KLF9: variants seen among roughly 807,000 people sequenced by gnomAD.
KLF9 encodes the protein KLF transcription factor 9.
In KLF9, 2 loss-of-function variants were observed where a neutral mutation model predicts 17.3. The ratio of observed to expected loss-of-function variants is 0.12; its 90% CI spans 0.05 to 0.36. The LOEUF is 0.36. Among genes scored for constraint, KLF9 ranks in the 10% least tolerant of loss-of-function variants. The pLI is 1.00. For synonymous variants in KLF9, 138 were observed against 139.2 expected (o/e 0.99, Z 0.06); for missense variants, 226 against 333.2 (o/e 0.68, Z 2.51).
chr9:70,402,515 T>C (rs997419002), intron 1 of KLF9, among the ~76,000 whole-genome samples: 9 of 152,218 alleles, frequency 5.9e-5, no homozygotes, highest in Admixed American at 1.3e-4. Context: ...GACATTAAAA[T>C]GGACAGACTG....
intron 1 of KLF9, among the ~76,000 whole-genome samples, chr9:70,388,740 A>G (rs1311285681): frequency 6.6e-6 from 1 of 152,100 alleles, no homozygotes; most frequent in African/African-American, 2.4e-5. Flanking sequence ...TGCAGGGGCC[A>G]CTCAGCATCT....
intron 1 of KLF9, among the ~76,000 whole-genome samples, chr9:70,398,130 C>T (rs144723106): frequency 2.1e-3 from 317 of 152,318 alleles, no homozygotes; most frequent in Non-Finnish European, 3.6e-3. Context: ...GCCTGAATGC[C>T]ATCCCATCAT....
In KLF9 at chr9:70,394,036, A is replaced by G. The variant is rs1201274730; in HGVS notation, c.506-6031T>C. Among the ~76,000 whole-genome samples the G allele has an allele frequency of 2.6e-5, 4 of 151,872 alleles. No individual in the cohort carries two copies. The East Asian group carries it at 7.7e-4, about 29-fold the overall frequency. Reference sequence around the variant, plus strand: ...TGAGACCCTGTCTCAAAAAAAAAAAAAAAAAAAAGAGTGGTTTCTGATTGC... The same window carrying G: ...TGAGACCCTGTCTCAAAAAAAAAAAGAAAAAAAAGAGTGGTTTCTGATTGC... On this transcript the variant is annotated intron_variant, in intron 1 of 1. Transcript: ENST00000377126.
chr9:70,389,469 G>A (rs1417641882), intron 1 of KLF9, among the ~76,000 whole-genome samples: 1 of 152,144 alleles, frequency 6.6e-6, no homozygotes, highest in Non-Finnish European at 1.5e-5. Context: ...ACCAAGGCCC[G>A]TGCTCTTGGC....
chr9:70,409,364 C>T (rs932073818), intron 1 of KLF9, among the ~76,000 whole-genome samples: 3 of 151,086 alleles, frequency 2.0e-5, no homozygotes, highest in African/African-American at 7.3e-5. Context: ...ACTTAAGCCC[C>T]TCCAAAAAGA....
intron 1 of KLF9, 131 bp downstream of exon 1, chr9:70,412,728 A>G (rs2037333466): frequency 2.3e-6 from 2 of 858,604 alleles, no homozygotes; most frequent in African/African-American, 1.7e-5. Context: ...TTATTTAAAG[A>G]GTTAAACCGC....
At chr9:70,396,729 T>C (rs898986371) in intron 1 of KLF9, among the ~76,000 whole-genome samples, 5 of 152,262 alleles carry the variant, frequency 3.3e-5, no homozygotes, top group Non-Finnish European at 1.5e-5. Context: ...TACTTCCTTT[T>C]GTAATTTTTC....
intron 1 of KLF9, among the ~76,000 whole-genome samples, chr9:70,398,462 C>T (rs1397300736): frequency 6.6e-6 from 1 of 152,014 alleles, no homozygotes; most frequent in Non-Finnish European, 1.5e-5. Context: ...TCCAGCAGAC[C>T]TCAAACAAAA....
At position 70,413,077 on chromosome 9, in the gene KLF9, T is replaced by G; in HGVS notation, c.287A>C (p.Asp96Ala). The change falls in exon 1 of 2, where the codon GAC becomes GCC. Residue 96 changes from aspartate to alanine, a missense_variant. Physicochemically the swap from Asp to Ala is moderately radical, Grantham distance 126 (BLOSUM62 -2). Coordinates refer to ENST00000377126, the MANE Select transcript of KLF9 (RefSeq NM_001206.4). The surrounding 1 kb of genome is among the most constrained non-coding windows in gnomAD (Gnocchi z 5.6). Reference sequence around the variant, plus strand: ...CCCAGATTCGGTGGTCACGTCGCTGTCGGATCCCATATCCTCATCTGGACT... The same window carrying G: ...CCCAGATTCGGTGGTCACGTCGCTGGCGGATCCCATATCCTCATCTGGACT... ...LESPDEDMGSDSDVTTESGSS... is the reference protein window; with the variant it reads ...LESPDEDMGSASDVTTESGSS... 6.2e-7 allele frequency: 1 copy of G among 1,614,130 alleles called. No individual in the cohort carries two copies. The highest frequency in any genetic ancestry group is 8.5e-7 in the Non-Finnish European group (1 of 1,179,992).
In KLF9 at chr9:70,413,499, C is replaced by CG. The variant is rs1174953372; in HGVS notation, c.-137dup. 1.1e-6 allele frequency: 1 copy of CG among 950,192 alleles called. No individual in the cohort carries two copies. The highest frequency in any genetic ancestry group is 1.7e-5 in the African/African-American group (1 of 57,652). The allele number at this position is 950,192 out of a possible 1,614,324, so 58.9% of individuals were successfully genotyped here. On this transcript the variant is annotated 5_prime_UTR_variant, in exon 1 of 2. Coordinates refer to ENST00000377126, the MANE Select transcript of KLF9 (RefSeq NM_001206.4). The surrounding 1 kb of genome is among the most constrained non-coding windows in gnomAD (Gnocchi z 5.6). ...CGCGGCGGCCAAGGGGGCGGGGGCG[C>CG]GGGGCGCTTCCGACTCGCAGGAGCG... is the stretch of plus-strand genomic sequence containing the variant.
chr9:70,406,927 T>G (rs1587742629), intron 1 of KLF9, among the ~76,000 whole-genome samples: 2 of 147,934 alleles, frequency 1.4e-5, no homozygotes. Context: ...ACGGAAGATT[T>G]GGAAGTCAAG....
At chr9:70,395,691 C>A (rs1030547628) in intron 1 of KLF9, among the ~76,000 whole-genome samples, 17 of 152,122 alleles carry the variant, frequency 1.1e-4, no homozygotes, top group African/African-American at 2.7e-4. Flanking sequence ...TGCCTGTAAT[C>A]TCAGCACTTT....
chr9:70,388,067 G>A (rs563490560), intron 1 of KLF9, 62 bp from the exon 2 acceptor site: 2 of 1,343,036 alleles, frequency 1.5e-6, no homozygotes, highest in East Asian at 2.5e-5. Context: ...CCGAAGGGCG[G>A]TCATGGTCAA....
At chr9:70,404,975 G>A (rs2037246755) in intron 1 of KLF9, among the ~76,000 whole-genome samples, 1 of 152,130 alleles carries the variant, frequency 6.6e-6, no homozygotes, top group South Asian at 2.1e-4. Context: ...GAAGGTAAAG[G>A]CCCCCTCACA....
intron 1 of KLF9, among the ~76,000 whole-genome samples, chr9:70,409,111 T>C (rs1189930606): frequency 1.0e-5 from 1 of 96,836 alleles, no homozygotes; most frequent in African/African-American, 3.2e-5. Flanking sequence ...TGTGTATATA[T>C]ATACATATAT....
At position 70,387,624 on chromosome 9, in the gene KLF9, G is replaced by A. The variant is rs1311857494; in HGVS notation, c.*152C>T. 7.7e-6 allele frequency: 5 copies of A among 651,098 alleles called. No homozygotes were observed. In the African/African-American group the frequency reaches 9.1e-5, roughly 12 times the overall value. The allele number at this position is 651,098 out of a possible 1,614,324, so 40.3% of individuals were successfully genotyped here. On this transcript the variant is annotated 3_prime_UTR_variant, in exon 2 of 2. Transcript: ENST00000377126. ...CAATGTGCTTTTTAAAAACAATGCA[G>A]GGAGAGGAAAATCAGAATATTGACC...
At chr9:70,401,876 G>C (rs1005146512) in intron 1 of KLF9, among the ~76,000 whole-genome samples, 2 of 151,686 alleles carry the variant, frequency 1.3e-5, no homozygotes, top group African/African-American at 4.8e-5. Context: ...TGAGCTGGGT[G>C]TAGTGGCATG....
chr9:70,406,015 C>T (rs781765903), intron 1 of KLF9, among the ~76,000 whole-genome samples: 1 of 152,188 alleles, frequency 6.6e-6, no homozygotes, highest in Non-Finnish European at 1.5e-5. Context: ...CACCCCAGCT[C>T]ACTCCACCTC....
intron 1 of KLF9, among the ~76,000 whole-genome samples, chr9:70,411,926 C>T (rs1435124834): frequency 1.3e-5 from 2 of 152,072 alleles, no homozygotes; most frequent in Non-Finnish European, 2.9e-5. Flanking sequence ...CAACTTTTAC[C>T]GTTCATGTTA....
Sources: allele counts gnomAD v4.1 joint callset (sites outside exome capture counted in the v4.1 genomes callset), GRCh38; gene constraint gnomAD v4.1.1; non-coding constraint Gnocchi (gnomAD v3.1); transcripts MANE v1.5; gene names NCBI Gene and HGNC (gene_info 2026-07-23, HGNC 2026-07-21).